Variants in AIRIM observed in about 807,000 individuals in gnomAD.
AIRIM encodes AFG2 interacting ribosome maturation factor.
At chr1:37,689,994 T>C in the AIRIM span, 723 of 1,440,946 alleles carry the variant, frequency 5.0e-4, 1 homozygote, top group African/African-American at 8.2e-3. Context: ...AGACAGGAGT[T>C]GTCTCACCTC....
the AIRIM span, among the ~76,000 whole-genome samples, chr1:37,691,863 G>C: frequency 6.6e-6 from 1 of 152,242 alleles, no homozygotes; most frequent in Non-Finnish European, 1.5e-5. Flanking sequence ...CCGGCCCGCG[G>C]GGGAGCGAGG....
chr1:37,682,912 G>A, the AIRIM span: 1 of 575,958 alleles, frequency 1.7e-6, no homozygotes, highest in South Asian at 2.1e-5. Context: ...GCAAGGCATG[G>A]CTCACATACT....
the AIRIM span, among the ~76,000 whole-genome samples, chr1:37,688,152 G>A: frequency 1.3e-5 from 2 of 152,094 alleles, no homozygotes; most frequent in Admixed American, 6.5e-5. Flanking sequence ...TGCCTCCCAG[G>A]TCCAAGAGAT....
the AIRIM span, chr1:37,691,876 C>G: frequency 6.6e-6 from 1 of 152,396 alleles, no homozygotes; most frequent in Admixed American, 6.5e-5. Flanking sequence ...GAGCGAGGAA[C>G]GACAGGGTTC....
the AIRIM span, among the ~76,000 whole-genome samples, chr1:37,685,304 C>T: frequency 4.6e-5 from 7 of 151,494 alleles, no homozygotes; most frequent in African/African-American, 9.7e-5. Flanking sequence ...TGACCTCCCA[C>T]GCTCAAGCAA....
chr1:37,684,461 G>A, the AIRIM span, among the ~76,000 whole-genome samples: 2 of 152,020 alleles, frequency 1.3e-5, no homozygotes, highest in African/African-American at 2.4e-5. Flanking sequence ...TCTACTAAAA[G>A]TACAAAAATT....
At chr1:37,686,505 G>A in the AIRIM span, 5 of 1,555,410 alleles carry the variant, frequency 3.2e-6, no homozygotes, top group Non-Finnish European at 3.5e-6. Flanking sequence ...TATAAAGGAA[G>A]GTTTCTCAAT....
At chr1:37,686,451 C>T in the AIRIM span, 2 of 1,611,980 alleles carry the variant, frequency 1.2e-6, no homozygotes, top group Admixed American at 1.7e-5. Context: ...AGGAGGATGG[C>T]TCTGCAAGAA....
the AIRIM span, chr1:37,684,279 C>T: frequency 2.0e-5 from 3 of 152,268 alleles, no homozygotes; most frequent in Non-Finnish European, 2.9e-5. Flanking sequence ...ATGTCAGCCG[C>T]AGCTCTTGCT....
the AIRIM span, chr1:37,690,424 C>T: frequency 1.3e-5 from 16 of 1,266,338 alleles, no homozygotes; most frequent in Admixed American, 1.2e-4. Flanking sequence ...CTGCCCGAGG[C>T]TGCCGGTCGC....
At chr1:37,690,115 C>G in the AIRIM span, 1 of 1,278,524 alleles carries the variant, frequency 7.8e-7, no homozygotes, top group Admixed American at 2.9e-5. Flanking sequence ...ATCCCGGGTT[C>G]AAGCAATTCT....
At chr1:37,685,199 G>GT in the AIRIM span, among the ~76,000 whole-genome samples, 41 of 126,994 alleles carry the variant, frequency 3.2e-4, 2 homozygotes, top group African/African-American at 7.7e-4. Flanking sequence ...TTTTGGGGGG[G>GT]GGGGGTGGGC....
chr1:37,681,934 T>C, the AIRIM span: 3 of 152,086 alleles, frequency 2.0e-5, no homozygotes. Flanking sequence ...TTTAAAAAAA[T>C]TTGTGAATTG....
At chr1:37,690,295 T>G in the AIRIM span, 1 of 1,291,604 alleles carries the variant, frequency 7.7e-7, no homozygotes, top group Non-Finnish European at 1.0e-6. Context: ...TGCCTCAGCT[T>G]TCTGAAGGAG....
At chr1:37,682,091 A>G in the AIRIM span, 1 of 152,242 alleles carries the variant, frequency 6.6e-6, no homozygotes, top group Non-Finnish European at 1.5e-5. Context: ...CTGAAAAGGT[A>G]TCTATCAAAA....
At chr1:37,683,473 C>T in the AIRIM span, 13 of 1,602,566 alleles carry the variant, frequency 8.1e-6, no homozygotes, top group African/African-American at 1.3e-4. Context: ...AAAGAAAATG[C>T]AGTATGCTGA....
At chr1:37,690,107 C>G in the AIRIM span, 1 of 1,313,660 alleles carries the variant, frequency 7.6e-7, no homozygotes, top group Non-Finnish European at 1.0e-6. Flanking sequence ...ACCTCCGCAT[C>G]CCGGGTTCAA....
chr1:37,686,015 C>T, the AIRIM span, among the ~76,000 whole-genome samples: 6 of 152,286 alleles, frequency 3.9e-5, no homozygotes, highest in African/African-American at 1.2e-4. Flanking sequence ...TATTTTTCTC[C>T]ATAACACTTA....
chr1:37,681,669 T>C, the AIRIM span: 1 of 152,250 alleles, frequency 6.6e-6, no homozygotes, highest in African/African-American at 2.4e-5. Flanking sequence ...GGTAGATGGA[T>C]AACGGTACAT....
Sources: allele counts gnomAD v4.1 joint callset (sites outside exome capture counted in the v4.1 genomes callset), GRCh38; gene constraint gnomAD v4.1.1; transcripts MANE v1.5; gene names NCBI Gene and HGNC (gene_info 2026-07-23, HGNC 2026-07-21).